The following TRMT11 variants were observed in gnomAD, a reference collection of about 807,000 sequenced individuals.
TRMT11 encodes the protein tRNA (guanine(10)-N(2))-methyltransferase TRMT11.
Under a neutral mutation model 62.8 loss-of-function variants are expected in TRMT11, and 53 were observed. That is an observed-to-expected ratio of 0.84 (90% confidence interval 0.68 to 1.06). TRMT11 has a LOEUF of 1.06. TRMT11 is among the 50% of genes least tolerant of loss of function. The pLI is 0.00. For missense variants in TRMT11, 556 were observed against 553.4 expected (o/e 1.00, Z -0.05); for synonymous variants, 188 against 190.3 (o/e 0.99, Z 0.10).
intron 12 of TRMT11, among the ~76,000 whole-genome samples, chr6:126,021,728 CTT>C (rs1268580962): frequency 2.0e-5 from 3 of 152,210 alleles, no homozygotes; most frequent in Admixed American, 6.5e-5. Context: ...CACATTCTCT[CTT>C]TGTCTCTCTC....
rs1260713939 is a variant in TRMT11, at chr6:126,013,052, C to G, written c.1090C>G (p.Leu364Val). 3 of 1,613,708 alleles carry G rather than the reference C, an allele frequency of 1.9e-6. No homozygotes were observed. The highest frequency in any genetic ancestry group is 1.7e-5 in the Admixed American group (1 of 59,970). The change falls in exon 11 of 13, where the codon CTC (leucine) becomes GTC (valine). Residue 364 changes from leucine (L) to valine (V), a missense_variant. Transcript: ENST00000334379. The stretch of plus-strand genomic sequence containing the variant: ...CCTGTTAAACTTCGCAGCTGAGACC[C>G]TCGTTTTAGGTGGAAGACTAGTCTA... ...LDLLNFAAET[L>V]VLGGRLVYWL...
chr6:126,009,352 T>C (rs1228599896), intron 8 of TRMT11: 1 of 151,964 alleles, frequency 6.6e-6, no homozygotes, highest in Non-Finnish European at 1.5e-5. Flanking sequence ...TGGAAAATAT[T>C]TTAAACTCTA....
intron 16 of TRMT11, among the ~76,000 whole-genome samples, chr6:126,052,027 C>A (rs1160818656): frequency 6.6e-6 from 1 of 152,134 alleles, no homozygotes; most frequent in African/African-American, 2.4e-5. Flanking sequence ...TTGACATGAC[C>A]CAATACTCTT....
intron 21 of TRMT11, among the ~76,000 whole-genome samples, chr6:126,159,811 C>T (rs1441536197): frequency 6.6e-6 from 1 of 152,160 alleles, no homozygotes; most frequent in African/African-American, 2.4e-5. Context: ...TACAATCTGC[C>T]TCTGTCCTCA....
At chr6:126,136,897 C>A (rs1777856797) in intron 21 of TRMT11, among the ~76,000 whole-genome samples, 1 of 150,344 alleles carries the variant, frequency 6.7e-6, no homozygotes, top group African/African-American at 2.4e-5. Flanking sequence ...AGGACAGTCT[C>A]TTTAATAAAT....
the TRMT11 span, among the ~76,000 whole-genome samples, chr6:126,255,380 A>T: frequency 6.6e-6 from 1 of 152,108 alleles, no homozygotes; most frequent in Non-Finnish European, 1.5e-5. Context: ...CATCTCAGAG[A>T]CCATCTGGCA....
intron 21 of TRMT11, among the ~76,000 whole-genome samples, chr6:126,127,818 C>G (rs1480306189): frequency 6.6e-6 from 1 of 151,900 alleles, no homozygotes; most frequent in Admixed American, 6.6e-5. Context: ...TAGTCTGGAC[C>G]TCTATGCAAC....
chr6:126,162,862 A>G (rs1178540946), intron 21 of TRMT11, among the ~76,000 whole-genome samples: 1 of 149,996 alleles, frequency 6.7e-6, no homozygotes, highest in African/African-American at 2.4e-5. Flanking sequence ...GGCTCTCTGT[A>G]TATTATTTGT....
chr6:126,169,671 A>AG (rs1454585536), intron 21 of TRMT11, among the ~76,000 whole-genome samples: 4 of 152,156 alleles, frequency 2.6e-5, no homozygotes. Context: ...AGGACACAAA[A>AG]AATGGAATGC....
intron 16 of TRMT11, among the ~76,000 whole-genome samples, chr6:126,046,048 C>T (rs1217246413): frequency 6.6e-6 from 1 of 151,914 alleles, no homozygotes; most frequent in African/African-American, 2.4e-5. Context: ...TTGAGTTTAC[C>T]GTTCTGATGA....
chr6:126,170,711 C>T (rs1299413346), intron 21 of TRMT11, among the ~76,000 whole-genome samples: 1 of 152,096 alleles, frequency 6.6e-6, no homozygotes, highest in African/African-American at 2.4e-5. Context: ...CTGATCTGTG[C>T]CCTCATGGAA....
downstream of TRMT11, among the ~76,000 whole-genome samples, chr6:126,203,495 G>A (rs901620510): frequency 5.3e-5 from 8 of 152,246 alleles, no homozygotes; most frequent in African/African-American, 1.9e-4. Context: ...CCAGCAGATT[G>A]AGTGCAATAA....
At chr6:126,080,333 A>G (rs1777135498) in intron 17 of TRMT11, among the ~76,000 whole-genome samples, 1 of 151,884 alleles carries the variant, frequency 6.6e-6, no homozygotes. Context: ...CTGGTTTCAA[A>G]CTTCTGGCCT....
chr6:126,270,095 A>G, the TRMT11 span, among the ~76,000 whole-genome samples: 1 of 152,228 alleles, frequency 6.6e-6, no homozygotes, highest in Non-Finnish European at 1.5e-5. Flanking sequence ...TTTCAAATAT[A>G]TAATTGTATC....
chr6:126,173,589 A>T (rs887204526), upstream of TRMT11, among the ~76,000 whole-genome samples: 1 of 152,208 alleles, frequency 6.6e-6, no homozygotes, highest in Non-Finnish European at 1.5e-5. Flanking sequence ...TGAGAAGCAT[A>T]TGGGAAGCCA....
downstream of TRMT11, among the ~76,000 whole-genome samples, chr6:126,204,997 G>C (rs1006886169): frequency 9.2e-5 from 14 of 152,096 alleles, no homozygotes; most frequent in African/African-American, 3.1e-4. Flanking sequence ...AAAATATTTA[G>C]AGGCATCAGA....
chr6:126,013,755 T>C (rs577907897), intron 11 of TRMT11, among the ~76,000 whole-genome samples: 8 of 152,350 alleles, frequency 5.3e-5, no homozygotes, highest in African/African-American at 1.9e-4. Flanking sequence ...ATACAGTATG[T>C]GACCCACAAA....
the TRMT11 span, among the ~76,000 whole-genome samples, chr6:126,247,525 A>AATAAATAT: frequency 6.8e-6 from 1 of 146,424 alleles, no homozygotes; most frequent in Non-Finnish European, 1.5e-5. Flanking sequence ...TAAATATATA[A>AATAAATAT]ATAAATATAT....
At chr6:126,258,612 T>A in the TRMT11 span, among the ~76,000 whole-genome samples, 21 of 152,266 alleles carry the variant, frequency 1.4e-4, no homozygotes. Flanking sequence ...TCTGAGTATG[T>A]TGTAATCCAG....
Sources: allele counts gnomAD v4.1 joint callset (sites outside exome capture counted in the v4.1 genomes callset), GRCh38; gene constraint gnomAD v4.1.1; transcripts MANE v1.5; gene names NCBI Gene and HGNC (gene_info 2026-07-23, HGNC 2026-07-21).